Variants in ARMH3 observed in about 807,000 individuals in gnomAD.
The protein encoded by ARMH3 is armadillo-like helical domain-containing protein 3.
Under a neutral mutation model 99.1 loss-of-function variants are expected in ARMH3, and 60 were observed. The observed-to-expected ratio is 0.61, with a 90% CI of 0.49 to 0.75. The LOEUF is 0.75. ARMH3 is among the 30% of genes least tolerant of loss of function. The probability of loss-of-function intolerance (pLI) is 0.00; values close to 1 mark genes in which losing one functional copy is unlikely to be tolerated. For synonymous variants in ARMH3, 285 were observed against 292.8 expected (o/e 0.97, Z 0.27); for missense variants, 679 against 843.1 (o/e 0.81, Z 2.41).
At chr10:102,013,878 C>T in intron 9 of ARMH3, 90 bp downstream of exon 9, 2 of 1,103,626 alleles carry the variant, frequency 1.8e-6, no homozygotes, top group Non-Finnish European at 2.6e-6. Flanking sequence ...CAGAATAGCT[C>T]TCTGCTCTCT....
chr10:101,952,388 A>G (rs928640039), intron 22 of ARMH3, among the ~76,000 whole-genome samples: 1 of 152,208 alleles, frequency 6.6e-6, no homozygotes, highest in East Asian at 1.9e-4. Flanking sequence ...AAGGAAACAC[A>G]AACAGTCACA....
intron 15 of ARMH3, among the ~76,000 whole-genome samples, chr10:101,998,588 A>G (rs908222952): frequency 1.3e-5 from 2 of 152,180 alleles, no homozygotes; most frequent in Non-Finnish European, 2.9e-5. Flanking sequence ...GACTCTGCCC[A>G]CCCAGGCTCC....
intron 16 of ARMH3, among the ~76,000 whole-genome samples, chr10:101,994,978 G>C (rs1436611245): frequency 6.6e-6 from 1 of 152,220 alleles, no homozygotes; most frequent in African/African-American, 2.4e-5. Flanking sequence ...GGAGGTTGCA[G>C]TGAGCCAAGA....
In ARMH3 at chr10:102,033,305, C is replaced by T. The variant is rs748581987; in HGVS notation, c.137G>A (p.Trp46Ter). 6.2e-7 allele frequency: 1 copy of T among 1,614,148 alleles called. No homozygotes were observed. The highest frequency in any genetic ancestry group is 1.1e-5 in the South Asian group (1 of 91,086). Residue 46 changes from tryptophan to a stop codon, truncating the protein, a stop_gained, in exon 3 of 26, where the codon TGG becomes TAG. Transcript: ENST00000370033. LOFTEE classifies it high-confidence loss of function. ...TACCTTCATGAGAAAGAGCTCCTCC[C>T]AAAACCGAGGACTGCACTTACTGGG... ...EDPSKCSPRF[W>*]EELFLMKVNL...
At position 101,892,196 on chromosome 10, in the gene ARMH3, G is replaced by A. The variant is rs2067709631; in HGVS notation, c.1782-2706C>T. Among the ~76,000 whole-genome samples the A allele has an allele frequency of 5.3e-5, 8 of 152,248 alleles. No homozygotes were observed. In the South Asian group the frequency reaches 1.5e-3, roughly 28 times the overall value. ...GCAGTGGCTCACAACTATAATCCCA[G>A]CACTTTGGGAGGCTAAGGTGGGCGG... On this transcript the variant is annotated intron_variant, in intron 23 of 25. Coordinates refer to ENST00000370033, the MANE Select transcript of ARMH3 (RefSeq NM_024541.3).
At chr10:102,019,482 G>T (rs2066827120) in intron 8 of ARMH3, among the ~76,000 whole-genome samples, 1 of 152,164 alleles carries the variant, frequency 6.6e-6, no homozygotes, top group Non-Finnish European at 1.5e-5. Context: ...ATCATAGGAG[G>T]TAACAGCTTC....
intron 24 of ARMH3, among the ~76,000 whole-genome samples, chr10:101,856,285 T>C (rs536895390): frequency 6.6e-5 from 10 of 152,336 alleles, no homozygotes; most frequent in Non-Finnish European, 1.3e-4. Flanking sequence ...TCCAAACTCA[T>C]TGTCAGCAAT....
chr10:102,053,900 C>T (rs1291024868), intron 1 of ARMH3, among the ~76,000 whole-genome samples: 2 of 151,862 alleles, frequency 1.3e-5, no homozygotes, highest in Non-Finnish European at 2.9e-5. Context: ...CCTTGTGATC[C>T]GCCGGCCTCC....
chr10:102,025,282 C>T, intron 5 of ARMH3, 34 bp from the exon 6 acceptor site: 1 of 1,538,262 alleles, frequency 6.5e-7, no homozygotes, highest in South Asian at 1.1e-5. Context: ...TTAAACCATA[C>T]CAGATAACAC....
At chr10:102,029,996 C>T (rs899728338) in intron 4 of ARMH3, among the ~76,000 whole-genome samples, 1 of 151,920 alleles carries the variant, frequency 6.6e-6, no homozygotes, top group African/African-American at 2.4e-5. Context: ...TCACAGCTCA[C>T]TACAGCCTTG....
At chr10:101,974,781 T>C (rs1845916969) in intron 20 of ARMH3, among the ~76,000 whole-genome samples, 1 of 151,482 alleles carries the variant, frequency 6.6e-6, no homozygotes, top group African/African-American at 2.4e-5. Flanking sequence ...TCCCCATCCC[T>C]CCATCTCTCC....
chr10:101,880,264 T>C (rs2067379125), intron 24 of ARMH3, among the ~76,000 whole-genome samples: 1 of 152,232 alleles, frequency 6.6e-6, no homozygotes, highest in African/African-American at 2.4e-5. Context: ...GGCTGCCTTG[T>C]GTGATGGTTC....
chr10:101,997,360 G>A (rs939111587), intron 15 of ARMH3, among the ~76,000 whole-genome samples: 5 of 152,052 alleles, frequency 3.3e-5, no homozygotes, highest in Admixed American at 1.3e-4. Flanking sequence ...TTGGGAGGCC[G>A]AGGCGGGTGG....
intron 23 of ARMH3, among the ~76,000 whole-genome samples, chr10:101,894,595 G>C (rs950612276): frequency 1.3e-5 from 2 of 152,162 alleles, no homozygotes; most frequent in Non-Finnish European, 2.9e-5. Flanking sequence ...AAGGCACCAC[G>C]TTTATAGATG....
intron 24 of ARMH3, among the ~76,000 whole-genome samples, chr10:101,864,798 C>T (rs1057038196): frequency 2.6e-5 from 4 of 151,840 alleles, no homozygotes; most frequent in Non-Finnish European, 2.9e-5. Flanking sequence ...ATGTAAATGA[C>T]GAGTTAATGG....
At chr10:101,985,165 C>T (rs887063920) in intron 19 of ARMH3, among the ~76,000 whole-genome samples, 2 of 144,888 alleles carry the variant, frequency 1.4e-5, no homozygotes, top group African/African-American at 2.6e-5. Flanking sequence ...TGTATATATA[C>T]GTGTACACAT....
intron 23 of ARMH3, among the ~76,000 whole-genome samples, chr10:101,931,265 G>A (rs945161566): frequency 2.6e-5 from 4 of 152,168 alleles, no homozygotes; most frequent in South Asian, 2.1e-4. Flanking sequence ...GATGGCTCAC[G>A]CCTGTAATCC....
chr10:101,919,821 C>G (rs1419032096), intron 23 of ARMH3, among the ~76,000 whole-genome samples: 1 of 152,150 alleles, frequency 6.6e-6, no homozygotes, highest in Non-Finnish European at 1.5e-5. Flanking sequence ...ACCTTTTACT[C>G]TAGTATTTCT....
In ARMH3 at chr10:102,029,692, C is replaced by T; in HGVS notation, c.360G>A (p.Gly120=). 1 of 1,614,164 alleles carries T rather than the reference C, an allele frequency of 6.2e-7. No homozygotes were observed. The highest frequency in any genetic ancestry group is 8.5e-7 in the Non-Finnish European group (1 of 1,180,044). The change falls in exon 5 of 26, where the codon GGG becomes GGA. Residue 120 remains glycine, a synonymous_variant. Transcript: ENST00000370033. ...CCATCAGCATGTTGATAATGTCAAA[C>T]CCAGAGGTAGACTTATTCTTTTGAT... ...GVHQKNKSTS[G]FDIINMLMGF... is the part of the protein sequence containing the mutation.
Sources: gnomAD v4.1 joint callset for allele counts (sites outside exome capture counted in the v4.1 genomes callset) on GRCh38, gnomAD v4.1.1 for gene constraint, MANE v1.5 for transcripts, NCBI Gene and HGNC (gene_info 2026-07-23, HGNC 2026-07-21) for gene names.